The following NPFFR2 variants were observed in gnomAD, a reference collection of about 807,000 sequenced individuals.
The protein encoded by NPFFR2 is G-protein coupled receptor 74.
In NPFFR2, 15 loss-of-function variants were observed where a neutral mutation model predicts 13.1. That is an observed-to-expected ratio of 1.15 (90% CI 0.77 to 1.76). NPFFR2 has a LOEUF of 1.76. NPFFR2 is among the 40% of genes most tolerant of loss of function. NPFFR2 has a pLI of 0.00. For missense variants in NPFFR2, 572 were observed against 503.5 expected (o/e 1.14, Z -1.30); for synonymous variants, 190 against 175.7 (o/e 1.08, Z -0.65).
intron 1 of NPFFR2, among the ~76,000 whole-genome samples, chr4:72,041,598 A>C (rs1719221312): frequency 6.6e-6 from 1 of 152,200 alleles, no homozygotes; most frequent in Admixed American, 6.5e-5. Context: ...TGGCTGAACT[A>C]ATTTACTCTC....
At chr4:72,125,549 G>A (rs1722013639) in intron 1 of NPFFR2, among the ~76,000 whole-genome samples, 1 of 152,144 alleles carries the variant, frequency 6.6e-6, no homozygotes, top group African/African-American at 2.4e-5. Flanking sequence ...GTCTGGAATG[G>A]TTTCCACTAG....
At chr4:72,127,085 G>A (rs1037701718) in intron 1 of NPFFR2, among the ~76,000 whole-genome samples, 50 of 151,502 alleles carry the variant, frequency 3.3e-4, no homozygotes, top group African/African-American at 1.1e-3. Context: ...GGCAGATCAC[G>A]AGGTCAGGAG....
chr4:72,108,008 G>A (rs915321348), intron 1 of NPFFR2, among the ~76,000 whole-genome samples: 1 of 151,778 alleles, frequency 6.6e-6, no homozygotes, highest in African/African-American at 2.4e-5. Context: ...GAATATAGGC[G>A]ATCAATGAAC....
intron 1 of NPFFR2, among the ~76,000 whole-genome samples, chr4:72,126,298 A>C (rs1028660656): frequency 6.6e-6 from 1 of 152,194 alleles, no homozygotes; most frequent in African/African-American, 2.4e-5. Context: ...TCCTGTTTCA[A>C]ATTTTTGTCC....
chr4:72,054,282 G>A (rs1306639234), intron 1 of NPFFR2, among the ~76,000 whole-genome samples: 1 of 151,764 alleles, frequency 6.6e-6, no homozygotes, highest in Non-Finnish European at 1.5e-5. Flanking sequence ...TGTAAGCACG[G>A]CCATGTAGAC....
chr4:72,052,966 C>A (rs995087296), intron 1 of NPFFR2, among the ~76,000 whole-genome samples: 4 of 151,828 alleles, frequency 2.6e-5, no homozygotes, highest in Non-Finnish European at 5.9e-5. Context: ...CACCCCTACC[C>A]CTTGCTTCAA....
chr4:72,143,375 T>C (rs1166470800), intron 3 of NPFFR2, among the ~76,000 whole-genome samples: 2 of 152,264 alleles, frequency 1.3e-5, no homozygotes, highest in South Asian at 4.1e-4. Context: ...TGGCCATTTG[T>C]GTAAATTGCA....
At chr4:72,069,146 C>T (rs1720169153) in intron 1 of NPFFR2, 1 of 400,572 alleles carries the variant, frequency 2.5e-6, no homozygotes, top group South Asian at 1.2e-4. Context: ...TAAAGACTGA[C>T]TAAATCTCAC....
chr4:72,048,576 T>A lies in NPFFR2; in HGVS notation c.-8+16376T>A, dbSNP rs369810440. 8.5e-5 allele frequency among the ~76,000 whole-genome samples: 13 copies of A among 152,202 alleles called. No individual in the cohort carries two copies. The East Asian group carries it at 2.5e-3, about 29-fold the overall frequency. ...AAAATGAACAAATAGCTTAAAAATATATAAAAGAGAAACATCTATATTAAC... is the reference window on the plus strand; with the variant it reads ...AAAATGAACAAATAGCTTAAAAATAAATAAAAGAGAAACATCTATATTAAC... On this transcript the variant is annotated intron_variant, in intron 1 of 3. Coordinates refer to ENST00000308744, the MANE Select transcript of NPFFR2 (RefSeq NM_004885.3).
intron 1 of NPFFR2, among the ~76,000 whole-genome samples, chr4:72,034,509 A>T (rs1718996569): frequency 6.6e-6 from 1 of 152,210 alleles, no homozygotes. Flanking sequence ...CCTCCCACCA[A>T]GTCCCTCCCA....
intron 1 of NPFFR2, among the ~76,000 whole-genome samples, chr4:72,116,278 A>T (rs1199894586): frequency 1.3e-5 from 2 of 152,174 alleles, no homozygotes; most frequent in Non-Finnish European, 2.9e-5. Flanking sequence ...ACTATTAAGT[A>T]GAATTCCACT....
chr4:72,083,590 TTGCTGGATTCACTTCCTC>T (rs1720689380), intron 1 of NPFFR2, among the ~76,000 whole-genome samples: 3 of 152,154 alleles, frequency 2.0e-5, no homozygotes, highest in Admixed American at 1.3e-4. Context: ...TCAATTTCTT[TTGCTGGATTCACTTCCTC>T]TGCCTAAACT....
intron 1 of NPFFR2, among the ~76,000 whole-genome samples, chr4:72,089,378 T>C (rs751569143): frequency 2.0e-5 from 3 of 152,156 alleles, no homozygotes; most frequent in Non-Finnish European, 4.4e-5. Context: ...ATATCTACTT[T>C]TAGTTCTTAA....
intron 3 of NPFFR2, chr4:72,146,730 A>G (rs1004593726): frequency 9.4e-6 from 4 of 424,342 alleles, no homozygotes; most frequent in Non-Finnish European, 1.2e-5. Context: ...TTAGGCATTC[A>G]TGTTCATTAT....
intron 1 of NPFFR2, among the ~76,000 whole-genome samples, chr4:72,073,248 A>G (rs554571520): frequency 1.3e-5 from 2 of 152,128 alleles, no homozygotes; most frequent in African/African-American, 4.8e-5. Context: ...GGGAATGGAT[A>G]CCCCATTTTT....
rs1206492371 is a variant in NPFFR2, at chr4:72,138,038, A to G, written c.329-2A>G. 6.2e-7 allele frequency: 1 copy of G among 1,606,418 alleles called. No individual in the cohort carries two copies. Among genetic ancestry groups the G allele is most frequent in the South Asian group, 1.1e-5 (1 of 90,186 alleles). On this transcript the variant is annotated splice_acceptor_variant, in intron 2 of 3. Coordinates refer to ENST00000308744, the MANE Select transcript of NPFFR2 (RefSeq NM_004885.3). LOFTEE classifies it high-confidence loss of function. ...TGAAAGACTGTTTCATTTTCCTTTC[A>G]GGATGGCCATTTGGAAACACGATGT...
At chr4:72,062,351 A>G (rs907150869) in intron 1 of NPFFR2, among the ~76,000 whole-genome samples, 2 of 152,158 alleles carry the variant, frequency 1.3e-5, no homozygotes, top group African/African-American at 2.4e-5. Context: ...AATAATTAAG[A>G]TGCCTCTAAA....
intron 1 of NPFFR2, among the ~76,000 whole-genome samples, chr4:72,117,142 A>C (rs1401534746): frequency 6.6e-6 from 1 of 152,122 alleles, no homozygotes; most frequent in East Asian, 1.9e-4. Context: ...TATAGCCTGT[A>C]AGCCAGGCTC....
At chr4:72,145,838 TTAAA>T (rs958236728) in intron 3 of NPFFR2, among the ~76,000 whole-genome samples, 6 of 152,142 alleles carry the variant, frequency 3.9e-5, no homozygotes, top group African/African-American at 9.7e-5. Flanking sequence ...TCAAAGAAGA[TTAAA>T]TAGGTAATAG....
Sources: gnomAD v4.1 joint callset for allele counts (sites outside exome capture counted in the v4.1 genomes callset) on GRCh38, gnomAD v4.1.1 for gene constraint, MANE v1.5 for transcripts, NCBI Gene and HGNC (gene_info 2026-07-23, HGNC 2026-07-21) for gene names.